Variants in SHLD2 observed in about 807,000 individuals in gnomAD.
SHLD2 encodes the protein RINN1-REV7-interacting novel NHEJ regulator 2.
Under a neutral mutation model 73.2 loss-of-function variants are expected in SHLD2, and 30 were observed. The ratio of observed to expected loss-of-function variants is 0.41; its 90% confidence interval spans 0.31 to 0.56. The LOEUF is 0.56. SHLD2 is among the 20% of genes least tolerant of loss of function. SHLD2 has a pLI of 0.28. For missense variants in SHLD2, 745 were observed against 1,055.9 expected, an observed-to-expected ratio of 0.71 and a Z score of 4.08; for synonymous variants, 285 against 370.1, an observed-to-expected ratio of 0.77 and a Z score of 2.64.
intron 2 of SHLD2, among the ~76,000 whole-genome samples, chr10:87,117,462 G>T (rs1843325014): frequency 6.6e-6 from 1 of 151,830 alleles, no homozygotes; most frequent in African/African-American, 2.4e-5. Flanking sequence ...TAGCAGATAA[G>T]AGATAAGGAA....
intron 7 of SHLD2, among the ~76,000 whole-genome samples, chr10:87,178,805 C>T (rs929013413): frequency 2.0e-5 from 3 of 152,304 alleles, no homozygotes; most frequent in African/African-American, 4.8e-5. Context: ...GTTACATATT[C>T]GATCGCTACA....
chr10:87,106,526 C>T (rs1214695224), intron 2 of SHLD2, among the ~76,000 whole-genome samples: 1 of 152,176 alleles, frequency 6.6e-6, no homozygotes, highest in African/African-American at 2.4e-5. Flanking sequence ...AGATCTTATA[C>T]AATGATAACA....
At chr10:87,165,715 A>G (rs1445506072) in intron 4 of SHLD2, among the ~76,000 whole-genome samples, 2 of 152,228 alleles carry the variant, frequency 1.3e-5, no homozygotes, top group African/African-American at 2.4e-5. Flanking sequence ...GAAATCCTAC[A>G]TAGAAAAAGG....
chr10:87,130,135 A>G (rs3117880), intron 2 of SHLD2, among the ~76,000 whole-genome samples: 2 of 151,686 alleles, frequency 1.3e-5, no homozygotes, highest in African/African-American at 4.8e-5. Context: ...ATCCTTGACT[A>G]TTTGCAGTTA....
intron 2 of SHLD2, among the ~76,000 whole-genome samples, chr10:87,132,742 C>T (rs2134165359): frequency 6.6e-6 from 1 of 152,252 alleles, no homozygotes; most frequent in East Asian, 1.9e-4. Flanking sequence ...GCACTGCACT[C>T]CAGCCTGGGC....
chr10:87,150,095 C>T lies in SHLD2; in HGVS notation c.-5-1255C>T, dbSNP rs1426374077. 3.6e-5 allele frequency among the ~76,000 whole-genome samples: 5 copies of T among 138,626 alleles called. No individual in the cohort carries two copies. In the South Asian group the frequency reaches 9.2e-4, roughly 26 times the overall value. 90.9% of individuals were successfully genotyped at this position (138,626 alleles called of 152,430 possible). ...TTTTTTTTTTTTTGAGATGGAGTCT[C>T]GCTTTGTCGCCCAGGCTGGAGTGCA... On this transcript the variant is annotated intron_variant, in intron 2 of 9. Transcript: ENST00000298786.
chr10:87,179,461 G>T (rs992416283), intron 7 of SHLD2, among the ~76,000 whole-genome samples: 1 of 151,824 alleles, frequency 6.6e-6, no homozygotes, highest in Non-Finnish European at 1.5e-5. Context: ...GAGTGCAGTG[G>T]TGCGATCTCG....
chr10:87,153,380 C>G (rs141320932), intron 3 of SHLD2, among the ~76,000 whole-genome samples: 1 of 152,262 alleles, frequency 6.6e-6, no homozygotes, highest in East Asian at 1.9e-4. Context: ...CACTCCAGCC[C>G]GAGCAACAGA....
chr10:87,113,318 T>G (rs1407528036), intron 2 of SHLD2, among the ~76,000 whole-genome samples: 1 of 152,072 alleles, frequency 6.6e-6, no homozygotes, highest in Admixed American at 6.6e-5. Context: ...GAGCGAAACT[T>G]TGTCTCAAAA....
At chr10:87,120,258 A>ATTTTTTTTTTTT (rs1026313828) in intron 2 of SHLD2, among the ~76,000 whole-genome samples, 1 of 148,694 alleles carries the variant, frequency 6.7e-6, no homozygotes, top group African/African-American at 2.5e-5. Context: ...TTATTTATTT[A>ATTTTTTTTTTTT]TTTTTTTGAG....
chr10:87,099,010 A>G (rs969103798), intron 2 of SHLD2, among the ~76,000 whole-genome samples: 3 of 152,198 alleles, frequency 2.0e-5, no homozygotes, highest in Non-Finnish European at 4.4e-5. Flanking sequence ...TCCTGGGCTC[A>G]AGCGATATGC....
chr10:87,104,602 AAG>A (rs1311303872), intron 2 of SHLD2, among the ~76,000 whole-genome samples: 2 of 152,102 alleles, frequency 1.3e-5, no homozygotes, highest in East Asian at 1.9e-4. Flanking sequence ...AAAAAGTAAA[AAG>A]AAAATGAAAA....
chr10:87,131,280 A>G (rs939458890), intron 2 of SHLD2, among the ~76,000 whole-genome samples: 4 of 152,050 alleles, frequency 2.6e-5, no homozygotes, highest in Admixed American at 6.6e-5. Context: ...TACATTCACA[A>G]TGTTTTACAG....
intron 6 of SHLD2, among the ~76,000 whole-genome samples, chr10:87,174,898 G>A (rs1277571504): frequency 2.6e-5 from 4 of 151,998 alleles, no homozygotes; most frequent in African/African-American, 7.2e-5. Flanking sequence ...GGCGGATCAT[G>A]AGGTCAGGAG....
chr10:87,123,748 C>T (rs558286303), intron 2 of SHLD2, among the ~76,000 whole-genome samples: 4 of 152,258 alleles, frequency 2.6e-5, no homozygotes, highest in South Asian at 2.1e-4. Context: ...GTGTTGTCCT[C>T]GCAGTAGTGA....
intron 4 of SHLD2, among the ~76,000 whole-genome samples, chr10:87,170,194 T>C: frequency 6.6e-6 from 1 of 152,120 alleles, no homozygotes; most frequent in Non-Finnish European, 1.5e-5. Context: ...GTTTGGTTAA[T>C]TGATAGAAAA....
intron 2 of SHLD2, among the ~76,000 whole-genome samples, chr10:87,124,462 G>T (rs1457282186): frequency 2.0e-5 from 3 of 152,148 alleles, no homozygotes; most frequent in Non-Finnish European, 4.4e-5. Flanking sequence ...CTTGAGCCCA[G>T]GAGGTTGAGG....
upstream of SHLD2, chr10:87,094,759 T>C: frequency 6.5e-7 from 1 of 1,537,276 alleles, no homozygotes; most frequent in Non-Finnish European, 8.8e-7. This position sits in a 1 kb window ranked among gnomAD's most constrained non-coding sequence, Gnocchi z 6.6. Flanking sequence ...TTCGCCCAGG[T>C]AGCGGTACAT....
chr10:87,127,730 A>G (rs1844139264), intron 2 of SHLD2, among the ~76,000 whole-genome samples: 1 of 151,434 alleles, frequency 6.6e-6, no homozygotes, highest in Non-Finnish European at 1.5e-5. Flanking sequence ...TAATACTGAC[A>G]GCCAGCGTTG....
Sources: gnomAD v4.1 joint callset for allele counts (sites outside exome capture counted in the v4.1 genomes callset) on GRCh38, gnomAD v4.1.1 for gene constraint, Gnocchi (gnomAD v3.1) non-coding constraint, MANE v1.5 for transcripts, NCBI Gene and HGNC (gene_info 2026-07-23, HGNC 2026-07-21) for gene names.